WHAMM: variants seen among roughly 807,000 people sequenced by gnomAD.
WHAMM encodes the protein WASP homolog-associated protein with actin, membranes and microtubules.
A neutral mutation model predicts 76.5 loss-of-function variants in WHAMM; 67 were observed. The ratio of observed to expected loss-of-function variants is 0.88; its 90% CI spans 0.72 to 1.07. The LOEUF is 1.07. Among genes scored for constraint, WHAMM ranks in the 50% least tolerant of loss-of-function variants. The pLI is 0.00. For synonymous variants in WHAMM, 419 were observed against 422.1 expected, an observed-to-expected ratio of 0.99 and a Z score of 0.09; for missense variants, 1,021 against 1,051.1, an observed-to-expected ratio of 0.97 and a Z score of 0.40.
intron 3 of WHAMM, 136 bp downstream of exon 3, chr15:82,816,978 C>T (rs1566992706): frequency 7.1e-6 from 6 of 850,102 alleles, no homozygotes; most frequent in East Asian, 2.8e-5. Context: ...CGTTAAGAGA[C>T]GTTGTACAGT....
rs369320020 is a variant in WHAMM at position 82,809,882 on chromosome 15, G to A, written c.156G>A (p.Gln52=). The change falls in exon 1 of 10, where the codon CAG becomes CAA. Residue 52 remains glutamine (Q), a synonymous_variant. Transcript: ENST00000286760. The part of the protein sequence containing the change: ...AVTCHDRTAQ[Q]RRLREGARLG... Reference sequence around the variant, plus strand: ...CTTGTCACGACCGTACCGCGCAGCAGCGGCGGCTGCGCGAGGGGGCCCGGT... The same window carrying A: ...CTTGTCACGACCGTACCGCGCAGCAACGGCGGCTGCGCGAGGGGGCCCGGT... The A allele has an allele frequency of 2.7e-5, 42 of 1,559,234 alleles. No individual in the cohort carries two copies. Among genetic ancestry groups the A allele is most frequent in the East Asian group, 7.4e-5 (3 of 40,480 alleles).
intron 7 of WHAMM, 85 bp from the exon 8 acceptor site, chr15:82,826,666 T>C (rs2050940381): frequency 4.6e-6 from 7 of 1,532,142 alleles, no homozygotes; most frequent in Admixed American, 2.2e-5. Context: ...TACAGCCTCT[T>C]TCTTTGCTGA....
chr15:82,822,853 T>C (rs1401555469), intron 5 of WHAMM, among the ~76,000 whole-genome samples: 4 of 152,088 alleles, frequency 2.6e-5, no homozygotes, highest in South Asian at 2.1e-4. Flanking sequence ...CATATGTCTA[T>C]ATACATGTAT....
Position 82,834,716 on chromosome 15 carries a change from A to T in WHAMM, c.*1180A>T, listed in dbSNP as rs961219921. 2.0e-5 allele frequency: 3 copies of T among 152,620 alleles called. No individual in the cohort carries two copies. In the East Asian group the frequency reaches 5.8e-4, roughly 29 times the overall value. The allele number at this position is 152,620 out of a possible 1,614,324, so 9.5% of individuals were successfully genotyped here. The stretch of plus-strand genomic sequence containing the variant: ...TAGGCACCAAGCACTACATAAACTC[A>T]TAATAACTATTTGCAATGCATTAGC... On this transcript the variant is annotated 3_prime_UTR_variant, in exon 10 of 10. Coordinates refer to ENST00000286760, the MANE Select transcript of WHAMM (RefSeq NM_001080435.3).
At chr15:82,824,754 C>G (rs183368668) in intron 6 of WHAMM, among the ~76,000 whole-genome samples, 1 of 152,266 alleles carries the variant, frequency 6.6e-6, no homozygotes, top group African/African-American at 2.4e-5. Context: ...GCGTGAGCCA[C>G]TGTGCCCAGC....
chr15:82,815,444 G>T (rs540069367), intron 2 of WHAMM, among the ~76,000 whole-genome samples: 2 of 152,070 alleles, frequency 1.3e-5, no homozygotes, highest in African/African-American at 2.4e-5. Flanking sequence ...TCATTGTATG[G>T]ATATATTACA....
At chr15:82,810,488 G>T in intron 1 of WHAMM, 153 bp downstream of exon 1, 1 of 985,450 alleles carries the variant, frequency 1.0e-6, no homozygotes, top group Non-Finnish European at 1.2e-6. Flanking sequence ...CGTCACCTGC[G>T]CGGGACCGCT....
chr15:82,831,409 G>A (rs76727002), intron 9 of WHAMM, among the ~76,000 whole-genome samples: 4,688 of 152,178 alleles, frequency 0.031, 238 homozygotes, highest in African/African-American at 0.11. Context: ...GATTTCTGCC[G>A]TTGGAATACT....
intron 5 of WHAMM, among the ~76,000 whole-genome samples, chr15:82,821,435 T>C (rs902931025): frequency 6.6e-6 from 1 of 152,238 alleles, no homozygotes; most frequent in Admixed American, 6.5e-5. Flanking sequence ...GTCGTAGGAA[T>C]TGAACCTTTC....
chr15:82,834,015 A>G lies in WHAMM; in HGVS notation c.*479A>G, dbSNP rs34291804. Reference sequence around the variant, plus strand: ...CAGACTCCCAAAGTGCTGGGATTACAGGTGTGAGCCACCACGCCCAGCCTT... The same window carrying G: ...CAGACTCCCAAAGTGCTGGGATTACGGGTGTGAGCCACCACGCCCAGCCTT... On this transcript the variant is annotated 3_prime_UTR_variant, in exon 10 of 10. Transcript: ENST00000286760. 0.13 allele frequency: 20,012 copies of G among 156,946 alleles called. 1,650 individuals are homozygous for G. The highest frequency in any genetic ancestry group is 0.34 in the South Asian group (1,820 of 5,330). The allele number at this position is 156,946 out of a possible 1,614,324, so 9.7% of individuals were successfully genotyped here. A position where few individuals can be genotyped will look rare whatever the true frequency, so the allele number is the denominator to read the frequency against.
intron 9 of WHAMM, 126 bp downstream of exon 9, chr15:82,831,205 C>T: frequency 6.8e-7 from 1 of 1,463,490 alleles, no homozygotes; most frequent in Non-Finnish European, 9.1e-7. Context: ...TAAAATATTC[C>T]AGTATTTGCT....
At chr15:82,832,469 C>G (rs138549198) in intron 9 of WHAMM, among the ~76,000 whole-genome samples, 118 of 152,318 alleles carry the variant, frequency 7.7e-4, no homozygotes, top group African/African-American at 2.6e-3. Flanking sequence ...GATTTTTACC[C>G]TCTCAGGGGT....
Position 82,828,118 on chromosome 15 carries a change from C to T in WHAMM, c.1641+1272C>T, listed in dbSNP as rs74344850. Among the ~76,000 whole-genome samples, 1,185 of 152,282 alleles carry T rather than the reference C, an allele frequency of 7.8e-3. 12 individuals carry two copies. Among genetic ancestry groups the T allele is most frequent in the African/African-American group, 0.026 (1,076 of 41,542 alleles). Reference sequence around the variant, plus strand: ...AGATTCTGGAATAGGTATCAGATGCCTTCTGTATACCAGGCACCATGCTAG... The same window carrying T: ...AGATTCTGGAATAGGTATCAGATGCTTTCTGTATACCAGGCACCATGCTAG... On this transcript the variant is annotated intron_variant, in intron 8 of 9. Coordinates refer to ENST00000286760, the MANE Select transcript of WHAMM (RefSeq NM_001080435.3).
At chr15:82,813,581 T>A (rs1410368858) in intron 2 of WHAMM, among the ~76,000 whole-genome samples, 1 of 151,842 alleles carries the variant, frequency 6.6e-6, no homozygotes, top group African/African-American at 2.4e-5. Flanking sequence ...GACATTTACG[T>A]TGGTCATCTT....
chr15:82,833,523 A>G lies in WHAMM; in HGVS notation c.2417A>G (p.Gln806Arg), dbSNP rs2051074141. The change falls in exon 10 of 10, where the codon CAG becomes CGG. Residue 806 changes from glutamine to arginine, a missense_variant. Coordinates refer to ENST00000286760, the MANE Select transcript of WHAMM (RefSeq NM_001080435.3). ...EEDSDEQDPG[Q>R]WDG is the part of the protein sequence containing the mutation. ...GACAGTGATGAGCAGGACCCTGGCCAGTGGGATGGTTAGGCTCAAGTTTGA... is the reference window on the plus strand; with the variant it reads ...GACAGTGATGAGCAGGACCCTGGCCGGTGGGATGGTTAGGCTCAAGTTTGA... 6.2e-7 allele frequency: 1 copy of G among 1,613,266 alleles called. No homozygotes were observed. Among genetic ancestry groups the G allele is most frequent in the South Asian group, 1.1e-5 (1 of 91,060 alleles).
intron 5 of WHAMM, among the ~76,000 whole-genome samples, chr15:82,820,322 G>A (rs1457627019): frequency 1.3e-5 from 2 of 152,060 alleles, no homozygotes; most frequent in Non-Finnish European, 2.9e-5. Flanking sequence ...TGGCTGCATA[G>A]TATTCCATTA....
intron 5 of WHAMM, among the ~76,000 whole-genome samples, chr15:82,822,113 T>G (rs1447122789): frequency 2.0e-5 from 3 of 152,208 alleles, no homozygotes; most frequent in Non-Finnish European, 4.4e-5. Flanking sequence ...TTCACTGTTT[T>G]ATGTACTTCT....
At chr15:82,829,528 C>G (rs952276151) in intron 8 of WHAMM, among the ~76,000 whole-genome samples, 3 of 152,198 alleles carry the variant, frequency 2.0e-5, no homozygotes, top group African/African-American at 7.2e-5. Context: ...GGCTGCAGGA[C>G]GGCAGCTGCA....
At chr15:82,816,156 A>G (rs2050722402) in intron 2 of WHAMM, among the ~76,000 whole-genome samples, 2 of 152,186 alleles carry the variant, frequency 1.3e-5, no homozygotes, top group South Asian at 4.1e-4. Context: ...ATTACCCCCC[A>G]AAGGCCCCAT....
Sources: gnomAD v4.1 joint callset for allele counts (sites outside exome capture counted in the v4.1 genomes callset) on GRCh38, gnomAD v4.1.1 for gene constraint, MANE v1.5 for transcripts, NCBI Gene and HGNC (gene_info 2026-07-23, HGNC 2026-07-21) for gene names.